Variants in OSBPL10 observed in about 807,000 individuals in gnomAD.
The protein encoded by OSBPL10 is oxysterol-binding protein-related protein 10.
OSBPL10 carries 49 observed loss-of-function variants against 81.7 expected under a neutral mutation model. The ratio of observed to expected loss-of-function variants is 0.60; its 90% confidence interval spans 0.48 to 0.76. OSBPL10 has a LOEUF of 0.76. OSBPL10 is among the 30% of genes least tolerant of loss of function. OSBPL10 has a pLI of 0.00. For synonymous variants in OSBPL10, 419 were observed against 383.6 expected (o/e 1.09, Z -1.08); for missense variants, 923 against 987.8 (o/e 0.93, Z 0.88).
rs545369184 is a variant in OSBPL10, at chr3:32,019,232, T to C, written n.298+27259A>G. Among the ~76,000 whole-genome samples the C allele has an allele frequency of 1.3e-3, 193 of 152,198 alleles. 1 individual carries two copies. The highest frequency in any genetic ancestry group is 4.3e-3 in the African/African-American group (178 of 41,534). On this transcript the variant is annotated intron_variant and non_coding_transcript_variant, in intron 2 of 3. Transcript: ENST00000479173. ...GTGGGGGTGATGTCGTTTAACAAAG[T>C]CCGAAGTTGTTCTCCTATTCAGCCA...
At chr3:32,073,580 G>C (rs1469926772) in intron 1 of OSBPL10, among the ~76,000 whole-genome samples, 1 of 152,074 alleles carries the variant, frequency 6.6e-6, no homozygotes, top group Non-Finnish European at 1.5e-5. Flanking sequence ...ACCCTTATGA[G>C]CCTAATACAT....
chr3:31,751,084 T>A (rs1274889911), intron 4 of OSBPL10, among the ~76,000 whole-genome samples: 1 of 152,024 alleles, frequency 6.6e-6, no homozygotes, highest in Non-Finnish European at 1.5e-5. Context: ...GGAGGGCAGA[T>A]CACTTGAGGC....
intron 7 of OSBPL10, among the ~76,000 whole-genome samples, chr3:31,692,871 G>A (rs774763780): frequency 1.3e-4 from 20 of 152,356 alleles, no homozygotes; most frequent in Non-Finnish European, 2.6e-4. Context: ...GCGCCCCCAA[G>A]GGGCCTGAAG....
chr3:32,038,475 C>T (rs756322361), intron 2 of OSBPL10, among the ~76,000 whole-genome samples: 1 of 152,116 alleles, frequency 6.6e-6, no homozygotes, highest in Non-Finnish European at 1.5e-5. Flanking sequence ...GCGTGTGCCA[C>T]CACACCCAAC....
At chr3:31,750,259 C>G (rs1304339503) in intron 4 of OSBPL10, among the ~76,000 whole-genome samples, 1 of 152,200 alleles carries the variant, frequency 6.6e-6, no homozygotes, top group African/African-American at 2.4e-5. Flanking sequence ...TCATTATTCT[C>G]CACAGCATTT....
At chr3:31,837,071 C>T (rs1299180100) in intron 3 of OSBPL10, among the ~76,000 whole-genome samples, 1 of 151,944 alleles carries the variant, frequency 6.6e-6, no homozygotes, top group Non-Finnish European at 1.5e-5. Context: ...CAGAAAACAC[C>T]TGATTAGAGA....
rs34327662 is a variant in OSBPL10, at chr3:31,687,893, A to AAATAATAATAATAATAATAATAAT, written c.1246-3803_1246-3780dup. Among the ~76,000 whole-genome samples the AAATAATAATAATAATAATAATAAT allele has an allele frequency of 5.7e-3, 823 of 143,848 alleles. 6 individuals are homozygous for AAATAATAATAATAATAATAATAAT. Among genetic ancestry groups the AAATAATAATAATAATAATAATAAT allele is most frequent in the East Asian group, 0.017 (85 of 4,872 alleles). The allele number at this position is 143,848 out of a possible 152,430, so 94.4% of individuals were successfully genotyped here. ...CAACATAGTGAGAACCCATCACTAC[A>AAATAATAATAATAATAATAATAAT]AATAATAATAATAATAATAATAATA... On this transcript the variant is annotated intron_variant, in intron 7 of 11. Transcript: ENST00000396556.
intron 4 of OSBPL10, among the ~76,000 whole-genome samples, chr3:31,783,146 T>TATATATATATACACACACAC (rs1485968747): frequency 1.8e-5 from 2 of 113,030 alleles, no homozygotes; most frequent in African/African-American, 7.7e-5. Context: ...TATATATATA[T>TATATATATATACACACACAC]ACACACACAC....
At chr3:31,885,038 C>T (rs545655887) in intron 1 of OSBPL10, among the ~76,000 whole-genome samples, 65 of 152,268 alleles carry the variant, frequency 4.3e-4, no homozygotes, top group African/African-American at 1.6e-3. Context: ...CTTGCTCAAT[C>T]CCAAAGCTGG....
At chr3:32,073,199 C>T (rs972067557) in intron 1 of OSBPL10, among the ~76,000 whole-genome samples, 5 of 152,172 alleles carry the variant, frequency 3.3e-5, no homozygotes, top group Admixed American at 2.6e-4. Flanking sequence ...CAAACCTCAT[C>T]CCAGACACCA....
intron 2 of OSBPL10, among the ~76,000 whole-genome samples, chr3:32,032,285 G>C (rs916572946): frequency 6.6e-6 from 1 of 151,894 alleles, no homozygotes; most frequent in African/African-American, 2.4e-5. Context: ...CATGATGGGG[G>C]GCACCTGTAA....
At chr3:31,722,973 C>A (rs1299149968) in intron 6 of OSBPL10, among the ~76,000 whole-genome samples, 2 of 152,024 alleles carry the variant, frequency 1.3e-5, no homozygotes, top group Non-Finnish European at 2.9e-5. Flanking sequence ...AGATTTGGAG[C>A]AATCTAAAGA....
intron 2 of OSBPL10, among the ~76,000 whole-genome samples, chr3:32,006,149 TTGGC>T (rs1238921917): frequency 1.3e-5 from 2 of 152,018 alleles, no homozygotes; most frequent in Non-Finnish European, 2.9e-5. Context: ...TTTCACCATG[TTGGC>T]CAGGCTGGTC....
intron 4 of OSBPL10, chr3:31,794,676 G>C (rs543129980): frequency 3.3e-6 from 1 of 302,850 alleles, no homozygotes; most frequent in Non-Finnish European, 6.8e-6. Context: ...CATATAAGCA[G>C]AGCATTTCTA....
chr3:31,895,001 T>C (rs898648529), intron 1 of OSBPL10, among the ~76,000 whole-genome samples: 28 of 152,222 alleles, frequency 1.8e-4, no homozygotes, highest in Non-Finnish European at 1.5e-4. Context: ...ACTCTAGGGA[T>C]GGTGAAGCAG....
intron 7 of OSBPL10, among the ~76,000 whole-genome samples, chr3:31,699,261 A>G (rs532047769): frequency 1.8e-4 from 28 of 152,248 alleles, no homozygotes; most frequent in African/African-American, 6.7e-4. Flanking sequence ...AGCCCTCAGG[A>G]TCAAGTTTGT....
chr3:31,757,257 G>T lies in OSBPL10; in HGVS notation c.730-9137C>A, dbSNP rs1388817395. ...CTATAAAGGGAATCAAGATAAATAA[G>T]ATCTTGAGGGTGGTCCCTAATCCGG... On this transcript the variant is annotated intron_variant, in intron 4 of 11. Transcript: ENST00000396556. Among the ~76,000 whole-genome samples, 14 of 152,248 alleles carry T rather than the reference G, an allele frequency of 9.2e-5. No homozygotes were observed. The East Asian group carries it at 2.7e-3, about 29-fold the overall frequency.
chr3:31,891,599 T>C (rs537567559), intron 1 of OSBPL10, among the ~76,000 whole-genome samples: 1 of 152,346 alleles, frequency 6.6e-6, no homozygotes, highest in Admixed American at 6.5e-5. Flanking sequence ...TCAGATCTGA[T>C]GCTGATGCTC....
intron 2 of OSBPL10, among the ~76,000 whole-genome samples, chr3:32,040,794 G>T (rs1252212589): frequency 1.3e-5 from 2 of 151,694 alleles, no homozygotes; most frequent in African/African-American, 2.4e-5. Context: ...CTATAATGGT[G>T]CCACTGCACT....
Sources: allele counts gnomAD v4.1 joint callset (sites outside exome capture counted in the v4.1 genomes callset), GRCh38; gene constraint gnomAD v4.1.1; transcripts MANE v1.5; gene names NCBI Gene and HGNC (gene_info 2026-07-23, HGNC 2026-07-21).